Variants in LARGE1 observed in about 807,000 individuals in gnomAD.
LARGE1 encodes xylosyl- and glucuronyltransferase LARGE1.
LARGE1 carries 43 observed loss-of-function variants against 87.6 expected under a neutral mutation model. The ratio of observed to expected loss-of-function variants is 0.49; its 90% CI spans 0.38 to 0.63. The LOEUF is 0.63. LARGE1 is among the 30% of genes least tolerant of loss of function. The pLI, the probability that LARGE1 is intolerant of heterozygous loss-of-function variation, is 0.00. For synonymous variants in LARGE1, 434 were observed against 394.6 expected (o/e 1.10, Z -1.18); for missense variants, 802 against 1,000.2 (o/e 0.80, Z 2.67).
chr22:33,142,940 C>T, the LARGE1 span, among the ~76,000 whole-genome samples: 7,651 of 152,104 alleles, frequency 0.05, 616 homozygotes, highest in African/African-American at 0.17. Flanking sequence ...GAGAGACATT[C>T]GAGGAAAATG....
At chr22:33,181,588 G>A (rs1446313068) in intron 11 of LARGE1, among the ~76,000 whole-genome samples, 1 of 151,322 alleles carries the variant, frequency 6.6e-6, no homozygotes, top group South Asian at 2.1e-4. Flanking sequence ...GAGTGCAGTG[G>A]TGCTATTTTG....
intron 11 of LARGE1, among the ~76,000 whole-genome samples, chr22:33,200,958 G>A (rs1028766568): frequency 3.3e-5 from 5 of 152,044 alleles, no homozygotes; most frequent in Non-Finnish European, 7.4e-5. Context: ...TGATTTTTCT[G>A]GTATAAGAAT....
the LARGE1 span, among the ~76,000 whole-genome samples, chr22:33,098,552 C>T: frequency 3.3e-5 from 5 of 152,082 alleles, no homozygotes; most frequent in African/African-American, 7.2e-5. Context: ...ACCCAGGAGG[C>T]GGAGCTTACA....
intron 11 of LARGE1, among the ~76,000 whole-genome samples, chr22:33,188,002 T>C (rs1240817925): frequency 9.4e-6 from 1 of 105,994 alleles, no homozygotes; most frequent in Non-Finnish European, 2.0e-5. Flanking sequence ...CACAAAAAAA[T>C]AGTGTGTGCG....
intron 11 of LARGE1, among the ~76,000 whole-genome samples, chr22:33,252,874 T>C (rs968154974): frequency 1.3e-5 from 2 of 152,192 alleles, no homozygotes; most frequent in Admixed American, 1.3e-4. Context: ...CTGCTAGAGT[T>C]AGGGTTTGTG....
intron 2 of LARGE1, among the ~76,000 whole-genome samples, chr22:33,703,406 T>C (rs1486615679): frequency 2.0e-5 from 3 of 149,578 alleles, no homozygotes; most frequent in Non-Finnish European, 3.0e-5. Context: ...CACATCATGA[T>C]AGACTAAATA....
intron 6 of LARGE1, among the ~76,000 whole-genome samples, chr22:33,441,968 C>T (rs1378692200): frequency 6.6e-6 from 1 of 152,126 alleles, no homozygotes; most frequent in African/African-American, 2.4e-5. Context: ...CCAGTTTATT[C>T]ATCACTCAGC....
chr22:33,819,296 A>G (rs980437113), intron 1 of LARGE1, among the ~76,000 whole-genome samples: 3 of 152,138 alleles, frequency 2.0e-5, no homozygotes, highest in East Asian at 3.9e-4. Flanking sequence ...AATATTCTAC[A>G]AAGTTCATGG....
chr22:33,103,130 A>G, the LARGE1 span, among the ~76,000 whole-genome samples: 38 of 152,000 alleles, frequency 2.5e-4, no homozygotes, highest in South Asian at 7.3e-3. Flanking sequence ...TGACACATTC[A>G]CTTTAAAAAG....
At chr22:33,537,426 C>T (rs1365122611) in intron 6 of LARGE1, among the ~76,000 whole-genome samples, 1 of 152,196 alleles carries the variant, frequency 6.6e-6, no homozygotes, top group Non-Finnish European at 1.5e-5. Flanking sequence ...CTTCTCTCTG[C>T]AGCCAAATCT....
At chr22:33,878,844 G>A (rs1398196214) in intron 1 of LARGE1, among the ~76,000 whole-genome samples, 1 of 152,198 alleles carries the variant, frequency 6.6e-6, no homozygotes, top group Non-Finnish European at 1.5e-5. Context: ...ATAAGTGTTT[G>A]ATAGCTTAAG....
Position 33,182,123 on chromosome 22 carries a change from G to A in LARGE1, c.1731-15291C>T, listed in dbSNP as rs182414016. Reference sequence around the variant, plus strand: ...AGGCGTGAGCCACCGCACCCAACAGGGTATATTACTTTTGACTAATTTGCA... The same window carrying A: ...AGGCGTGAGCCACCGCACCCAACAGAGTATATTACTTTTGACTAATTTGCA... On this transcript the variant is annotated intron_variant, in intron 11 of 11. Transcript: ENST00000608642. Among the ~76,000 whole-genome samples the A allele has an allele frequency of 3.3e-5, 5 of 152,030 alleles. No individual in the cohort carries two copies. In the East Asian group the frequency reaches 5.8e-4, roughly 18 times the overall value.
the LARGE1 span, among the ~76,000 whole-genome samples, chr22:33,131,764 T>C: frequency 1.8e-4 from 27 of 151,850 alleles, no homozygotes; most frequent in African/African-American, 6.5e-4. Context: ...CAATTCAAGA[T>C]GAGATTTGGG....
intron 2 of LARGE1, among the ~76,000 whole-genome samples, chr22:33,681,084 ACC>A (rs2081755428): frequency 6.6e-6 from 1 of 152,164 alleles, no homozygotes; most frequent in Non-Finnish European, 1.5e-5. Context: ...AATGTACTAT[ACC>A]TGCCAGTTCC....
chr22:33,412,956 C>T (rs1260415404), intron 7 of LARGE1, among the ~76,000 whole-genome samples: 3 of 152,166 alleles, frequency 2.0e-5, no homozygotes, highest in East Asian at 1.9e-4. Context: ...CCACCGTGCC[C>T]GGCCTTGATT....
At chr22:33,800,544 C>G (rs2086128874) in intron 1 of LARGE1, among the ~76,000 whole-genome samples, 1 of 152,144 alleles carries the variant, frequency 6.6e-6, no homozygotes, top group Non-Finnish European at 1.5e-5. Flanking sequence ...TTATGCTACC[C>G]CATTATACTC....
At chr22:33,560,475 T>G (rs1285943646) in intron 6 of LARGE1, among the ~76,000 whole-genome samples, 1 of 152,238 alleles carries the variant, frequency 6.6e-6, no homozygotes, top group African/African-American at 2.4e-5. Flanking sequence ...GAGGCATCTG[T>G]GCTTATGGAT....
intron 2 of LARGE1, among the ~76,000 whole-genome samples, chr22:33,743,823 C>T (rs1039786576): frequency 1.3e-5 from 2 of 152,210 alleles, no homozygotes; most frequent in Non-Finnish European, 2.9e-5. Context: ...ATTTGACTTG[C>T]ACAAGACATT....
chr22:33,765,978 A>C (rs1258661916), intron 1 of LARGE1, among the ~76,000 whole-genome samples: 1 of 152,148 alleles, frequency 6.6e-6, no homozygotes, highest in African/African-American at 2.4e-5. Context: ...AGCAGGTAAA[A>C]AATATTCCTT....
Sources: gnomAD v4.1 joint callset for allele counts (sites outside exome capture counted in the v4.1 genomes callset) on GRCh38, gnomAD v4.1.1 for gene constraint, MANE v1.5 for transcripts, NCBI Gene and HGNC (gene_info 2026-07-23, HGNC 2026-07-21) for gene names.